The following RAPGEF6 variants were observed in gnomAD, a reference collection of about 807,000 sequenced individuals.
RAPGEF6 encodes Rap guanine nucleotide exchange factor 6.
RAPGEF6 carries 56 observed loss-of-function variants against 171.4 expected under a neutral mutation model. The ratio of observed to expected loss-of-function variants is 0.33; its 90% CI spans 0.26 to 0.41. The LOEUF is 0.41. Among genes scored for constraint, RAPGEF6 ranks in the 10% least tolerant of loss-of-function variants. The probability of loss-of-function intolerance (pLI) is 1.00; values close to 1 mark genes in which losing one functional copy is unlikely to be tolerated. For missense variants in RAPGEF6, 1,674 were observed against 1,921.4 expected (o/e 0.87, Z 2.41); for synonymous variants, 692 against 650.1 (o/e 1.06, Z -0.98).
intron 6 of RAPGEF6, among the ~76,000 whole-genome samples, chr5:131,541,127 C>T (rs1271623398): frequency 6.6e-6 from 1 of 152,122 alleles, no homozygotes; most frequent in Non-Finnish European, 1.5e-5. Flanking sequence ...CAGAACACTG[C>T]AGAATAATAT....
intron 1 of RAPGEF6, among the ~76,000 whole-genome samples, chr5:131,629,383 G>A (rs1766150323): frequency 6.6e-6 from 1 of 152,108 alleles, no homozygotes; most frequent in South Asian, 2.1e-4. Context: ...TTTGAAAGAG[G>A]TTGAATCCAA....
At chr5:131,550,570 A>G (rs910245253) in intron 5 of RAPGEF6, among the ~76,000 whole-genome samples, 5 of 152,238 alleles carry the variant, frequency 3.3e-5, no homozygotes, top group Admixed American at 2.0e-4. Context: ...GCCCCTATGT[A>G]TAAATAACTT....
In RAPGEF6 at chr5:131,609,245, C is replaced by G. The variant is rs557529883; in HGVS notation, c.70-4552G>C. On this transcript the variant is annotated intron_variant, in intron 1 of 27. Coordinates refer to ENST00000509018, the MANE Select transcript of RAPGEF6 (RefSeq NM_016340.6). ...TCTTTCTTTATAAATGACCCAGCCTCAAGTATTCTGTTATAGCAACACAAA... is the reference window on the plus strand; with the variant it reads ...TCTTTCTTTATAAATGACCCAGCCTGAAGTATTCTGTTATAGCAACACAAA... Among the ~76,000 whole-genome samples the G allele has an allele frequency of 2.6e-5, 4 of 152,272 alleles. No homozygotes were observed. In the East Asian group the frequency reaches 7.7e-4, roughly 29 times the overall value.
intron 1 of RAPGEF6, among the ~76,000 whole-genome samples, chr5:131,613,366 C>T (rs1000164488): frequency 6.6e-6 from 1 of 152,038 alleles, no homozygotes; most frequent in Admixed American, 6.6e-5. Context: ...GCTGAGATTG[C>T]GCCACTGCAC....
intron 16 of RAPGEF6, among the ~76,000 whole-genome samples, chr5:131,477,945 C>T (rs1755220218): frequency 1.3e-5 from 2 of 152,290 alleles, no homozygotes; most frequent in Middle Eastern, 6.8e-3. Context: ...CATCCCTGAC[C>T]TCTTCAGTGT....
chr5:131,449,231 C>T (rs1031063938), intron 21 of RAPGEF6, among the ~76,000 whole-genome samples: 3 of 152,122 alleles, frequency 2.0e-5, no homozygotes, highest in African/African-American at 7.2e-5. Flanking sequence ...TCTAAATAGA[C>T]ACTTAGCTAT....
At chr5:131,446,730 G>C (rs1752730319) in intron 21 of RAPGEF6, 27 bp from the exon 22 acceptor site, 2 of 1,582,696 alleles carry the variant, frequency 1.3e-6, no homozygotes, top group Admixed American at 1.7e-5. Flanking sequence ...ATCACAATAA[G>C]GGGCTATAGA....
chr5:131,567,220 C>G (rs1762007600), intron 4 of RAPGEF6, among the ~76,000 whole-genome samples: 1 of 151,520 alleles, frequency 6.6e-6, no homozygotes, highest in Admixed American at 6.6e-5. Flanking sequence ...CAAAGTTTAT[C>G]AAGTTTTGTT....
chr5:131,564,165 G>A (rs1384408634), intron 4 of RAPGEF6, among the ~76,000 whole-genome samples: 1 of 152,172 alleles, frequency 6.6e-6, no homozygotes, highest in Non-Finnish European at 1.5e-5. Flanking sequence ...GGGTGTGGAT[G>A]ACAGGGGAAA....
chr5:131,462,775 A>C (rs1754025120), intron 18 of RAPGEF6, among the ~76,000 whole-genome samples: 1 of 152,202 alleles, frequency 6.6e-6, no homozygotes, highest in Admixed American at 6.5e-5. Context: ...AAACGAGGTA[A>C]TGTATCACCT....
chr5:131,486,470 CGA>C (rs966216761), intron 15 of RAPGEF6, among the ~76,000 whole-genome samples: 1 of 152,122 alleles, frequency 6.6e-6, no homozygotes, highest in African/African-American at 2.4e-5. Context: ...CTTTGAAATA[CGA>C]GAGTCACATC....
chr5:131,428,561 A>G (rs996436981), intron 27 of RAPGEF6, among the ~76,000 whole-genome samples: 1 of 152,018 alleles, frequency 6.6e-6, no homozygotes, highest in African/African-American at 2.4e-5. Flanking sequence ...CCCAGGTTCA[A>G]GCAATTCTCC....
chr5:131,606,826 A>G (rs1242451347), intron 1 of RAPGEF6, among the ~76,000 whole-genome samples: 3 of 152,234 alleles, frequency 2.0e-5, no homozygotes, highest in Admixed American at 1.3e-4. Flanking sequence ...GAAAGGCCAC[A>G]TGGAATAACA....
At chr5:131,534,346 C>T (rs1292624636) in intron 6 of RAPGEF6, among the ~76,000 whole-genome samples, 2 of 152,066 alleles carry the variant, frequency 1.3e-5, no homozygotes, top group Non-Finnish European at 2.9e-5. Context: ...TACACTGCTA[C>T]TTATAAAACT....
At chr5:131,561,546 G>C (rs1761600385) in intron 5 of RAPGEF6, among the ~76,000 whole-genome samples, 1 of 151,570 alleles carries the variant, frequency 6.6e-6, no homozygotes, top group South Asian at 2.1e-4. Flanking sequence ...TGTAATCCCA[G>C]CTACTCAGGA....
At chr5:131,519,667 A>G (rs1296163713) in intron 7 of RAPGEF6, among the ~76,000 whole-genome samples, 1 of 152,116 alleles carries the variant, frequency 6.6e-6, no homozygotes, top group Non-Finnish European at 1.5e-5. Flanking sequence ...CTCCCATCCT[A>G]TAGTTTTTCA....
chr5:131,552,988 A>G (rs1030396703), intron 5 of RAPGEF6, among the ~76,000 whole-genome samples: 12 of 152,226 alleles, frequency 7.9e-5, no homozygotes, highest in African/African-American at 2.4e-4. Flanking sequence ...ACTTTCAAAC[A>G]AAAGAAAATT....
At chr5:131,559,028 G>T (rs952746537) in intron 5 of RAPGEF6, among the ~76,000 whole-genome samples, 1 of 152,012 alleles carries the variant, frequency 6.6e-6, no homozygotes, top group Non-Finnish European at 1.5e-5. Flanking sequence ...TTACTTTAGA[G>T]GTATATTAAA....
At chr5:131,474,523 T>G (rs1391933729) in intron 16 of RAPGEF6, among the ~76,000 whole-genome samples, 1 of 152,122 alleles carries the variant, frequency 6.6e-6, no homozygotes, top group South Asian at 2.1e-4. Context: ...CAGTTTATAT[T>G]AAAAAGTAGA....
Sources: gnomAD v4.1 joint callset for allele counts (sites outside exome capture counted in the v4.1 genomes callset) on GRCh38, gnomAD v4.1.1 for gene constraint, MANE v1.5 for transcripts, NCBI Gene and HGNC (gene_info 2026-07-23, HGNC 2026-07-21) for gene names.